BMERB1: variants seen among roughly 807,000 people sequenced by gnomAD.
BMERB1 encodes the protein bMERB domain-containing protein 1.
BMERB1 carries 12 observed loss-of-function variants against 23.6 expected under a neutral mutation model. The ratio of observed to expected loss-of-function variants is 0.51; its 90% CI spans 0.33 to 0.82. The LOEUF is 0.82. Ranked by LOEUF, BMERB1 falls within the 40% of genes least tolerant of loss-of-function variation. The pLI is 0.03. For synonymous variants in BMERB1, 122 were observed against 96.6 expected, an observed-to-expected ratio of 1.26 and a Z score of -1.54; for missense variants, 247 against 255.4, an observed-to-expected ratio of 0.97 and a Z score of 0.22.
At chr16:15,483,798 T>C (rs2094924982) in intron 1 of BMERB1, among the ~76,000 whole-genome samples, 1 of 152,190 alleles carries the variant, frequency 6.6e-6, no homozygotes. Context: ...TAAAGTAATA[T>C]TTACTACCTC....
At position 15,476,796 on chromosome 16, in the gene BMERB1, A is replaced by G. The variant is rs537316513; in HGVS notation, c.107-38509A>G. 2.0e-5 allele frequency among the ~76,000 whole-genome samples: 3 copies of G among 152,168 alleles called. No individual in the cohort carries two copies. In the East Asian group the frequency reaches 5.8e-4, roughly 30 times the overall value. ...GAAAATCAGGGTACCACCTTCTTCC[A>G]CTGGGTGGGGGATACAGGATCAGCT... On this transcript the variant is annotated intron_variant, in intron 1 of 5. Coordinates refer to ENST00000300006, the MANE Select transcript of BMERB1 (RefSeq NM_033201.3).
chr16:15,517,062 T>C (rs1468668467), intron 2 of BMERB1, among the ~76,000 whole-genome samples: 1 of 152,200 alleles, frequency 6.6e-6, no homozygotes, highest in African/African-American at 2.4e-5. Flanking sequence ...GCTAAATGCT[T>C]CCCATGCATA....
At chr16:15,436,866 A>G (rs1020498606) in intron 1 of BMERB1, among the ~76,000 whole-genome samples, 7 of 152,142 alleles carry the variant, frequency 4.6e-5, no homozygotes, top group Non-Finnish European at 1.0e-4. Flanking sequence ...AACCTCCTGC[A>G]GTACTAAGAT....
intron 1 of BMERB1, among the ~76,000 whole-genome samples, chr16:15,459,585 A>G (rs963912918): frequency 2.0e-5 from 3 of 152,198 alleles, no homozygotes; most frequent in African/African-American, 7.2e-5. Context: ...ATATGTGTCC[A>G]ATAACAAGAG....
intron 1 of BMERB1, among the ~76,000 whole-genome samples, chr16:15,452,038 T>C (rs2051046609): frequency 6.6e-6 from 1 of 151,678 alleles, no homozygotes; most frequent in South Asian, 2.1e-4. Context: ...CCTAGCACTT[T>C]GGGAGGCTGA....
Position 15,586,884 on chromosome 16 carries a change from A to G in BMERB1, c.*55A>G. 8.8e-7 allele frequency: 1 copy of G among 1,142,280 alleles called. No individual in the cohort carries two copies. Among genetic ancestry groups the G allele is most frequent in the Non-Finnish European group, 1.2e-6 (1 of 807,326 alleles). 70.8% of individuals were successfully genotyped at this position (1,142,280 alleles called of 1,614,324 possible). A position where few individuals can be genotyped will look rare whatever the true frequency, so the allele number is the denominator to read the frequency against. On this transcript the variant is annotated 3_prime_UTR_variant, in exon 6 of 6. Transcript: ENST00000300006. ...GACCCCCCCCCACCCTCTTGTCTTT[A>G]TAGCCCCCATTTCACCGGGGCCCAA... is the stretch of plus-strand genomic sequence containing the variant.
At chr16:15,439,161 A>G (rs1489493230) in intron 1 of BMERB1, among the ~76,000 whole-genome samples, 1 of 152,222 alleles carries the variant, frequency 6.6e-6, no homozygotes, top group Non-Finnish European at 1.5e-5. Flanking sequence ...AAAGATATGT[A>G]ATGTGCTATA....
chr16:15,453,097 G>A (rs1372328972), intron 1 of BMERB1, among the ~76,000 whole-genome samples: 2 of 151,990 alleles, frequency 1.3e-5, no homozygotes, highest in Non-Finnish European at 2.9e-5. Context: ...ACTTGAATCC[G>A]GGAGACGGAG....
At chr16:15,464,390 A>T (rs1000716498) in intron 1 of BMERB1, among the ~76,000 whole-genome samples, 5 of 152,002 alleles carry the variant, frequency 3.3e-5, no homozygotes, top group African/African-American at 1.2e-4. Flanking sequence ...TGGGAGGCCA[A>T]GGCGGGAGGA....
intron 3 of BMERB1, among the ~76,000 whole-genome samples, chr16:15,573,448 G>A (rs796338418): frequency 1.3e-5 from 2 of 152,256 alleles, no homozygotes; most frequent in African/African-American, 4.8e-5. Context: ...GGGGTGCAGT[G>A]AGAATGGAGT....
At chr16:15,566,711 G>C (rs2150971657) in intron 2 of BMERB1, among the ~76,000 whole-genome samples, 1 of 151,980 alleles carries the variant, frequency 6.6e-6, no homozygotes, top group Non-Finnish European at 1.5e-5. Context: ...ATAGATGACT[G>C]TATATCAATA....
At chr16:15,525,763 TC>T (rs1157997074) in intron 2 of BMERB1, among the ~76,000 whole-genome samples, 1 of 151,984 alleles carries the variant, frequency 6.6e-6, no homozygotes, top group African/African-American at 2.4e-5. Flanking sequence ...ATAAATCTCT[TC>T]AGTAGTATTG....
intron 3 of BMERB1, among the ~76,000 whole-genome samples, chr16:15,577,696 T>A (rs962900600): frequency 6.6e-6 from 1 of 152,232 alleles, no homozygotes. Context: ...TCTCCTCCCT[T>A]CATTTTCCCT....
At chr16:15,465,347 A>G (rs918459563) in intron 1 of BMERB1, among the ~76,000 whole-genome samples, 1 of 67,446 alleles carries the variant, frequency 1.5e-5, no homozygotes, top group Non-Finnish European at 3.7e-5. Flanking sequence ...CAATGCTAAG[A>G]TATATATTTT....
chr16:15,481,352 C>T lies in BMERB1; in HGVS notation c.107-33953C>T, dbSNP rs2051318972. Among the ~76,000 whole-genome samples, 6 of 152,180 alleles carry T rather than the reference C, an allele frequency of 3.9e-5. No homozygotes were observed. In the South Asian group the frequency reaches 8.3e-4, roughly 21 times the overall value. ...CCATCCTGGCTAACACGGTGAAACC[C>T]CGTCTCTGCTAAAAATACAAAAAAA... On this transcript the variant is annotated intron_variant, in intron 1 of 5. Transcript: ENST00000300006.
chr16:15,567,178 G>A (rs954064861), intron 2 of BMERB1, among the ~76,000 whole-genome samples: 11 of 151,736 alleles, frequency 7.2e-5, no homozygotes, highest in Non-Finnish European at 1.5e-4. Flanking sequence ...GCAACAGAGC[G>A]ACACTCTATC....
chr16:15,491,179 G>A (rs2051416768), intron 1 of BMERB1, among the ~76,000 whole-genome samples: 1 of 152,000 alleles, frequency 6.6e-6, no homozygotes, highest in African/African-American at 2.4e-5. Context: ...AGCACTTACT[G>A]CAGCTATTTT....
intron 2 of BMERB1, among the ~76,000 whole-genome samples, chr16:15,555,656 C>T (rs1380856587): frequency 1.3e-5 from 2 of 152,138 alleles, no homozygotes; most frequent in Non-Finnish European, 2.9e-5. Flanking sequence ...ACATATTGGC[C>T]TTCCAGGGTG....
At chr16:15,495,777 A>G (rs1673947811) in intron 1 of BMERB1, among the ~76,000 whole-genome samples, 1 of 152,188 alleles carries the variant, frequency 6.6e-6, no homozygotes, top group Non-Finnish European at 1.5e-5. Context: ...TCATCTTCCA[A>G]GAGGGCACAG....
Sources: allele counts gnomAD v4.1 joint callset (sites outside exome capture counted in the v4.1 genomes callset), GRCh38; gene constraint gnomAD v4.1.1; transcripts MANE v1.5; gene names NCBI Gene and HGNC (gene_info 2026-07-23, HGNC 2026-07-21).